The following STAU2 variants were observed in gnomAD, a reference collection of about 807,000 sequenced individuals.
The protein encoded by STAU2 is staufen double-stranded RNA binding protein 2, also known as double-stranded RNA-binding protein Staufen homolog 2.
STAU2 carries 20 observed loss-of-function variants against 65.9 expected under a neutral mutation model. The ratio of observed to expected loss-of-function variants is 0.30; its 90% CI spans 0.21 to 0.44. STAU2 has a LOEUF of 0.44. STAU2 is among the 20% of genes least tolerant of loss of function. The probability of loss-of-function intolerance (pLI) is 1.00; values close to 1 mark genes in which losing one functional copy is unlikely to be tolerated. For synonymous variants in STAU2, 232 were observed against 233.9 expected, an observed-to-expected ratio of 0.99 and a Z score of 0.07; for missense variants, 558 against 683.9, an observed-to-expected ratio of 0.82 and a Z score of 2.05.
chr8:73,738,452 T>C (rs1806600155), intron 2 of STAU2, 103 bp from the exon 3 acceptor site: 2 of 798,000 alleles, frequency 2.5e-6, no homozygotes, highest in Non-Finnish European at 3.8e-6. Context: ...TAAAATGTAA[T>C]TTATCCAGAT....
chr8:73,469,849 G>A (rs1423698362), intron 13 of STAU2, among the ~76,000 whole-genome samples: 4 of 152,174 alleles, frequency 2.6e-5, no homozygotes, highest in Admixed American at 6.5e-5. Flanking sequence ...ATGGGAAACC[G>A]CTGAGCAGAT....
chr8:73,603,677 T>C (rs747159988), intron 10 of STAU2, 49 bp downstream of exon 10: 1 of 1,590,182 alleles, frequency 6.3e-7, no homozygotes, highest in South Asian at 1.2e-5. Context: ...GCCTATTCCA[T>C]CCTGGGGATT....
chr8:73,550,371 T>A (rs1050602564), intron 13 of STAU2: 2 of 984,058 alleles, frequency 2.0e-6, no homozygotes, highest in Admixed American at 1.2e-4. Context: ...AGCTTAGAAA[T>A]AAAAACAAAT....
intron 13 of STAU2, chr8:73,551,536 T>C: frequency 1.0e-6 from 1 of 987,548 alleles, no homozygotes. Context: ...TGTATCTTAA[T>C]GGTGTACCTG....
At chr8:73,426,262 G>C (rs552449281) in intron 13 of STAU2, among the ~76,000 whole-genome samples, 1 of 152,000 alleles carries the variant, frequency 6.6e-6, no homozygotes, top group East Asian at 1.9e-4. Context: ...ATCAGATCAA[G>C]GTAATTAGTA....
At chr8:73,567,638 C>A (rs1473015943) in intron 12 of STAU2, among the ~76,000 whole-genome samples, 1 of 151,756 alleles carries the variant, frequency 6.6e-6, no homozygotes, top group Non-Finnish European at 1.5e-5. Context: ...ACCTCCACCT[C>A]CCAGGTTCAA....
intron 4 of STAU2, among the ~76,000 whole-genome samples, chr8:73,705,196 C>T (rs1820425822): frequency 6.6e-6 from 1 of 152,132 alleles, no homozygotes; most frequent in African/African-American, 2.4e-5. Flanking sequence ...CTCCATTATA[C>T]CACTTTATGA....
intron 13 of STAU2, among the ~76,000 whole-genome samples, chr8:73,446,953 T>C (rs1818501784): frequency 1.3e-5 from 2 of 152,244 alleles, no homozygotes; most frequent in Non-Finnish European, 2.9e-5. Context: ...TGTTTGTTTG[T>C]GTTTTTGAGA....
chr8:73,559,440 T>C (rs1808029847), intron 12 of STAU2, among the ~76,000 whole-genome samples: 1 of 152,204 alleles, frequency 6.6e-6, no homozygotes, highest in African/African-American at 2.4e-5. Flanking sequence ...ACAACTTTGC[T>C]CACGGCCTTT....
At chr8:73,470,271 G>A (rs1339400689) in intron 13 of STAU2, among the ~76,000 whole-genome samples, 3 of 152,194 alleles carry the variant, frequency 2.0e-5, no homozygotes, top group Admixed American at 6.5e-5. Context: ...CTGACTGCAA[G>A]GGAGTCTGGG....
intron 13 of STAU2, among the ~76,000 whole-genome samples, chr8:73,507,870 G>C (rs1004173275): frequency 6.6e-6 from 1 of 152,162 alleles, no homozygotes; most frequent in Non-Finnish European, 1.5e-5. Flanking sequence ...TTATGTTATG[G>C]AGATGGTTTC....
intron 3 of STAU2, among the ~76,000 whole-genome samples, chr8:73,728,994 C>G (rs1805848305): frequency 6.6e-6 from 1 of 152,058 alleles, no homozygotes; most frequent in Admixed American, 6.6e-5. Flanking sequence ...GTGCCTTGTT[C>G]CTGATCATAA....
chr8:73,478,305 T>TAAAAAAAA (rs10660977), intron 13 of STAU2, among the ~76,000 whole-genome samples: 2 of 77,504 alleles, frequency 2.6e-5, no homozygotes, highest in African/African-American at 4.5e-5. Flanking sequence ...ACTGATGAGC[T>TAAAAAAAA]AAAAAAAAAA....
At chr8:73,497,155 C>A (rs1821463656) in intron 13 of STAU2, among the ~76,000 whole-genome samples, 1 of 151,654 alleles carries the variant, frequency 6.6e-6, no homozygotes, top group African/African-American at 2.4e-5. Context: ...CTGAACTCAA[C>A]CTCACAGAAA....
At chr8:73,451,446 G>A (rs920780029) in intron 13 of STAU2, among the ~76,000 whole-genome samples, 1 of 151,988 alleles carries the variant, frequency 6.6e-6, no homozygotes, top group Admixed American at 6.6e-5. Context: ...CCAGAAAAGC[G>A]GCTGGGTATA....
chr8:73,453,272 G>T (rs1818895191), intron 13 of STAU2, among the ~76,000 whole-genome samples: 1 of 152,210 alleles, frequency 6.6e-6, no homozygotes, highest in Non-Finnish European at 1.5e-5. Flanking sequence ...GGCAATTATT[G>T]TAAAAGGGAA....
chr8:73,714,620 C>T (rs894708433), intron 3 of STAU2, among the ~76,000 whole-genome samples: 1 of 152,172 alleles, frequency 6.6e-6, no homozygotes, highest in Non-Finnish European at 1.5e-5. Context: ...TCCTGTAACA[C>T]AGAAGGCCTT....
chr8:73,650,660 T>C (rs1182943818), intron 6 of STAU2, among the ~76,000 whole-genome samples: 1 of 152,240 alleles, frequency 6.6e-6, no homozygotes, highest in African/African-American at 2.4e-5. Context: ...ACATTTTTAA[T>C]GTGGAACCAA....
At chr8:73,711,842 A>C (rs1820923417) in intron 3 of STAU2, among the ~76,000 whole-genome samples, 1 of 152,174 alleles carries the variant, frequency 6.6e-6, no homozygotes, top group Non-Finnish European at 1.5e-5. Context: ...TCCCACTTTG[A>C]TAAAGCTTCA....
Sources: allele counts gnomAD v4.1 joint callset (sites outside exome capture counted in the v4.1 genomes callset), GRCh38; gene constraint gnomAD v4.1.1; transcripts MANE v1.5; gene names NCBI Gene and HGNC (gene_info 2026-07-23, HGNC 2026-07-21).